Variants in DPP6 observed in about 807,000 individuals in gnomAD.
DPP6 encodes A-type potassium channel modulatory protein DPP6.
In DPP6, 69 loss-of-function variants were observed where a neutral mutation model predicts 122.6. The observed-to-expected ratio is 0.56, with a 90% CI of 0.46 to 0.69. The LOEUF is 0.69. Among genes scored for constraint, DPP6 ranks in the 30% least tolerant of loss-of-function variants. DPP6 has a pLI of 0.00. For synonymous variants in DPP6, 418 were observed against 433.1 expected (o/e 0.97, Z 0.43); for missense variants, 928 against 1,116.9 (o/e 0.83, Z 2.41).
intron 1 of DPP6, among the ~76,000 whole-genome samples, chr7:153,919,746 TC>T (rs1339599814): frequency 6.6e-6 from 1 of 152,194 alleles, no homozygotes; most frequent in Admixed American, 6.5e-5. Flanking sequence ...AATGAAAGCT[TC>T]GGCCTCTGTT....
chr7:154,247,174 G>A (rs1802035226), intron 1 of DPP6, among the ~76,000 whole-genome samples: 2 of 152,082 alleles, frequency 1.3e-5, no homozygotes, highest in South Asian at 4.2e-4. Flanking sequence ...TGAGCCAGGA[G>A]TGGTGGTGTG....
chr7:154,227,881 T>C (rs1800704411), intron 1 of DPP6, among the ~76,000 whole-genome samples: 1 of 152,192 alleles, frequency 6.6e-6, no homozygotes, highest in South Asian at 2.1e-4. Context: ...ATGCCTGCCT[T>C]TTATCCTATG....
chr7:154,099,270 A>C (rs995702921), intron 1 of DPP6, among the ~76,000 whole-genome samples: 8 of 152,242 alleles, frequency 5.3e-5, no homozygotes, highest in African/African-American at 1.9e-4. Context: ...TCACAAATAA[A>C]TATTGATTGA....
At position 154,616,144 on chromosome 7, in the gene DPP6, A is replaced by C. The variant is rs1236848175; in HGVS notation, c.628-21677A>C. Among the ~76,000 whole-genome samples the C allele has an allele frequency of 4.6e-5, 7 of 152,122 alleles. 1 individual carries two copies. The highest frequency in any genetic ancestry group is 4.6e-4 in the Admixed American group (7 of 15,264). Reference sequence around the variant, plus strand: ...GATGTCTCTAATTTGGCGTTATCAGAGTCAGTCACCCCACTGAAAAGCCCG... The same window carrying C: ...GATGTCTCTAATTTGGCGTTATCAGCGTCAGTCACCCCACTGAAAAGCCCG... On this transcript the variant is annotated intron_variant, in intron 5 of 25. Coordinates refer to ENST00000377770, the MANE Select transcript of DPP6 (RefSeq NM_130797.4).
intron 17 of DPP6, among the ~76,000 whole-genome samples, chr7:154,862,156 C>T (rs975556903): frequency 3.3e-5 from 5 of 152,214 alleles, no homozygotes; most frequent in Non-Finnish European, 5.9e-5. Flanking sequence ...GTGGAGCCCA[C>T]CTGTGTACAA....
chr7:153,754,750 T>C, the DPP6 span, among the ~76,000 whole-genome samples: 2 of 152,238 alleles, frequency 1.3e-5, no homozygotes, highest in Non-Finnish European at 2.9e-5. Context: ...TCAGATTTAA[T>C]TTCTGTGGTT....
intron 1 of DPP6, among the ~76,000 whole-genome samples, chr7:154,083,535 T>C (rs1230752582): frequency 1.3e-5 from 2 of 150,676 alleles, no homozygotes; most frequent in Non-Finnish European, 2.9e-5. Flanking sequence ...CTTTTATTTT[T>C]TAATACCCTA....
intron 3 of DPP6, among the ~76,000 whole-genome samples, chr7:154,518,317 A>G (rs1373256842): frequency 6.6e-6 from 1 of 152,220 alleles, no homozygotes; most frequent in African/African-American, 2.4e-5. Flanking sequence ...CTGATGATTC[A>G]AGCTTAGATA....
intron 20 of DPP6, among the ~76,000 whole-genome samples, chr7:154,879,362 C>CCT (rs1805155455): frequency 9.8e-6 from 1 of 101,566 alleles, no homozygotes. Context: ...GGGCGGATCA[C>CCT]GAGGTCAGGA....
At position 154,121,879 on chromosome 7, in the gene DPP6, A is replaced by T. The variant is rs1026842204; in HGVS notation, c.243+68816A>T. On this transcript the variant is annotated intron_variant, in intron 1 of 25. Coordinates refer to ENST00000377770, the MANE Select transcript of DPP6 (RefSeq NM_130797.4). ...TTCTTTTTTTTCTTTTTCTAAAGCC[A>T]TATTGTAGATTCCCAGTTCAACTAT... 3.7e-4 allele frequency among the ~76,000 whole-genome samples: 56 copies of T among 152,204 alleles called. 1 individual carries two copies. The highest frequency in any genetic ancestry group is 1.3e-3 in the African/African-American group (54 of 41,450).
At chr7:154,072,533 A>T (rs1396940283) in intron 1 of DPP6, among the ~76,000 whole-genome samples, 3 of 152,274 alleles carry the variant, frequency 2.0e-5, no homozygotes, top group African/African-American at 4.8e-5. Flanking sequence ...AGAGGCTTAC[A>T]TCACAGAGTT....
At chr7:154,348,826 C>A (rs1000077683) in intron 1 of DPP6, among the ~76,000 whole-genome samples, 1 of 152,182 alleles carries the variant, frequency 6.6e-6, no homozygotes, top group African/African-American at 2.4e-5. Flanking sequence ...CAGACATTCA[C>A]CCTCTTCTCT....
At chr7:154,715,418 G>A (rs752497981) in intron 7 of DPP6, among the ~76,000 whole-genome samples, 1 of 152,126 alleles carries the variant, frequency 6.6e-6, no homozygotes, top group African/African-American at 2.4e-5. Context: ...TGTACATTGA[G>A]GCCTACTTTA....
intron 1 of DPP6, among the ~76,000 whole-genome samples, chr7:154,085,230 A>G (rs1392150579): frequency 6.6e-6 from 1 of 152,204 alleles, no homozygotes. Context: ...ATGTCCTTTT[A>G]TCTTTCATTT....
chr7:154,398,597 G>T (rs560918437), intron 1 of DPP6, among the ~76,000 whole-genome samples: 1 of 151,120 alleles, frequency 6.6e-6, no homozygotes, highest in East Asian at 2.0e-4. Flanking sequence ...TTCAAGTAGA[G>T]GGACATCCTT....
intron 1 of DPP6, among the ~76,000 whole-genome samples, chr7:154,115,513 A>G (rs1463755583): frequency 6.6e-6 from 1 of 152,112 alleles, no homozygotes; most frequent in Middle Eastern, 3.2e-3. Context: ...CTGATGCAAA[A>G]AGCCCAGTGC....
At chr7:153,813,227 C>T in the DPP6 span, among the ~76,000 whole-genome samples, 1 of 137,702 alleles carries the variant, frequency 7.3e-6, no homozygotes, top group East Asian at 2.3e-4. Flanking sequence ...CTTCCTGTGT[C>T]CATGCGTTCT....
chr7:153,844,878 C>CA, the DPP6 span, among the ~76,000 whole-genome samples: 6 of 151,976 alleles, frequency 3.9e-5, no homozygotes, highest in African/African-American at 7.3e-5. Flanking sequence ...TAGAAGTAAA[C>CA]AAAAAATGTT....
intron 5 of DPP6, among the ~76,000 whole-genome samples, chr7:154,596,610 C>T (rs1427066192): frequency 6.6e-6 from 1 of 152,058 alleles, no homozygotes; most frequent in African/African-American, 2.4e-5. Context: ...CAGGAGGCCT[C>T]AGAGTACTTT....
Sources: gnomAD v4.1 joint callset for allele counts (sites outside exome capture counted in the v4.1 genomes callset) on GRCh38, gnomAD v4.1.1 for gene constraint, MANE v1.5 for transcripts, NCBI Gene and HGNC (gene_info 2026-07-23, HGNC 2026-07-21) for gene names.